Variants in GNA14 observed in about 807,000 individuals in gnomAD.
GNA14 encodes the protein G protein subunit alpha 14, also known as guanine nucleotide-binding protein subunit alpha-14.
GNA14 carries 50 observed loss-of-function variants against 42.0 expected under a neutral mutation model. The ratio of observed to expected loss-of-function variants is 1.19; its 90% CI spans 0.95 to 1.51. GNA14 has a LOEUF of 1.51. Among genes scored for constraint, GNA14 ranks in the 40% most tolerant of loss-of-function variants. The pLI is 0.00. For synonymous variants in GNA14, 173 were observed against 163.1 expected (o/e 1.06, Z -0.46); for missense variants, 473 against 446.2 (o/e 1.06, Z -0.54).
At chr9:77,599,134 G>C (rs1181831996) in intron 1 of GNA14, among the ~76,000 whole-genome samples, 2 of 152,200 alleles carry the variant, frequency 1.3e-5, no homozygotes, top group African/African-American at 4.8e-5. Context: ...AAATTTTTCA[G>C]AGTAATTGAT....
At chr9:77,442,809 A>G (rs1835754988) in intron 2 of GNA14, among the ~76,000 whole-genome samples, 1 of 152,198 alleles carries the variant, frequency 6.6e-6, no homozygotes, top group South Asian at 2.1e-4. Context: ...ACCCAAAATA[A>G]TCAAGCATAA....
chr9:77,508,037 G>A (rs1264612107), intron 2 of GNA14, among the ~76,000 whole-genome samples: 2 of 152,086 alleles, frequency 1.3e-5, no homozygotes, highest in Non-Finnish European at 2.9e-5. Flanking sequence ...TCTTATTAGT[G>A]GGTTTAGTCA....
At chr9:77,646,372 G>A (rs1350025169) in intron 1 of GNA14, among the ~76,000 whole-genome samples, 2 of 152,146 alleles carry the variant, frequency 1.3e-5, no homozygotes, top group South Asian at 2.1e-4. Flanking sequence ...GGAGGGGGCA[G>A]CATGGTCTCT....
chr9:77,469,928 A>T (rs1433292180), intron 2 of GNA14, among the ~76,000 whole-genome samples: 1 of 152,242 alleles, frequency 6.6e-6, no homozygotes. Context: ...ACACGTGCAT[A>T]CATAATTTTG....
chr9:77,555,880 G>GA (rs1370914190), intron 1 of GNA14, among the ~76,000 whole-genome samples: 8 of 152,142 alleles, frequency 5.3e-5, no homozygotes, highest in Admixed American at 4.6e-4. Context: ...AGTGCTGAGT[G>GA]AAAAAATAAA....
At chr9:77,595,642 T>C (rs932460875) in intron 1 of GNA14, among the ~76,000 whole-genome samples, 16 of 152,186 alleles carry the variant, frequency 1.1e-4, no homozygotes, top group Non-Finnish European at 2.9e-5. Context: ...TTATAAAACA[T>C]TGCGCTTCTC....
intron 1 of GNA14, among the ~76,000 whole-genome samples, chr9:77,632,876 G>A (rs1344290016): frequency 6.6e-6 from 1 of 152,166 alleles, no homozygotes; most frequent in Non-Finnish European, 1.5e-5. Context: ...GACTCAGGCT[G>A]GTAATGTGAG....
intron 1 of GNA14, among the ~76,000 whole-genome samples, chr9:77,592,580 A>G (rs571143447): frequency 6.6e-6 from 1 of 152,116 alleles, no homozygotes; most frequent in East Asian, 1.9e-4. Context: ...CCCAGTCACC[A>G]CCACTCCCTA....
In GNA14 at chr9:77,488,878, T is replaced by A. The variant is rs145224857; in HGVS notation, c.309+40191A>T. ...TTCAGTGCAAAGAAACAGACATACA[T>A]CACATGAAACAACAGCAAACAGGAA... On this transcript the variant is annotated intron_variant, in intron 2 of 6. Transcript: ENST00000341700. Among the ~76,000 whole-genome samples, 167 of 135,818 alleles carry A rather than the reference T, an allele frequency of 1.2e-3. 1 individual carries two copies. The South Asian group carries it at 0.014, about 11-fold the overall frequency. The allele number at this position is 135,818 out of a possible 152,430, so 89.1% of individuals were successfully genotyped here.
At chr9:77,605,882 T>C (rs1261859904) in intron 1 of GNA14, among the ~76,000 whole-genome samples, 1 of 152,190 alleles carries the variant, frequency 6.6e-6, no homozygotes, top group African/African-American at 2.4e-5. Context: ...AGTTCTAAGA[T>C]CCTATTATAA....
chr9:77,445,549 G>GAGGA (rs1835801035), intron 2 of GNA14, among the ~76,000 whole-genome samples: 1 of 44,464 alleles, frequency 2.2e-5, no homozygotes. Context: ...CTGTCTCTAA[G>GAGGA]AAGAAAAAAA....
intron 5 of GNA14, among the ~76,000 whole-genome samples, chr9:77,426,716 T>C (rs1351491315): frequency 1.3e-5 from 2 of 152,204 alleles, no homozygotes; most frequent in African/African-American, 4.8e-5. Flanking sequence ...CAAGAAGATA[T>C]TAAATGCTCC....
At chr9:77,530,931 A>G (rs1424322236) in intron 1 of GNA14, among the ~76,000 whole-genome samples, 1 of 152,250 alleles carries the variant, frequency 6.6e-6, no homozygotes, top group Admixed American at 6.5e-5. Flanking sequence ...GTGCAGATGC[A>G]GAATTGGGGC....
At chr9:77,480,403 A>C (rs1836522678) in intron 2 of GNA14, among the ~76,000 whole-genome samples, 1 of 152,178 alleles carries the variant, frequency 6.6e-6, no homozygotes, top group Admixed American at 6.5e-5. Flanking sequence ...GATGAAGCCC[A>C]CTTGATCATG....
At chr9:77,569,153 C>CTT (rs1230967905) in intron 1 of GNA14, among the ~76,000 whole-genome samples, 1 of 144,238 alleles carries the variant, frequency 6.9e-6, no homozygotes, top group African/African-American at 2.5e-5. Flanking sequence ...TCTCTTTTGC[C>CTT]TTTTTTTTTT....
intron 1 of GNA14, among the ~76,000 whole-genome samples, chr9:77,551,734 C>A (rs1837789233): frequency 6.6e-6 from 1 of 151,796 alleles, no homozygotes; most frequent in South Asian, 2.1e-4. Flanking sequence ...AGAGTTAGGG[C>A]CATGTTCTTT....
rs188952515 is a variant in GNA14 at position 77,646,184 on chromosome 9, G to A, written c.124+1486C>T. ...CTAGGGGGGCCTCTTGGGCACCCACGGGGACTCCCTCCACTCCTACCCAGC... is the reference window on the plus strand; with the variant it reads ...CTAGGGGGGCCTCTTGGGCACCCACAGGGACTCCCTCCACTCCTACCCAGC... On this transcript the variant is annotated intron_variant, in intron 1 of 6. Transcript: ENST00000341700. 1.1e-3 allele frequency among the ~76,000 whole-genome samples: 165 copies of A among 152,254 alleles called. 1 individual carries two copies. Among genetic ancestry groups the A allele is most frequent in the African/African-American group, 3.6e-3 (151 of 41,546 alleles).
At chr9:77,594,688 T>C (rs1147182) in intron 1 of GNA14, among the ~76,000 whole-genome samples, 128,203 of 152,182 alleles carry the variant, frequency 0.84, 54,125 homozygotes, top group East Asian at 0.96. Flanking sequence ...ACTTGAAGGA[T>C]TTATCAAGCA....
At chr9:77,589,388 TTTTC>T (rs774701265) in intron 1 of GNA14, among the ~76,000 whole-genome samples, 13 of 152,294 alleles carry the variant, frequency 8.5e-5, no homozygotes, top group Middle Eastern at 3.4e-3. Context: ...GTGAGCTCGG[TTTTC>T]TTTTTTTGTT....
Sources: gnomAD v4.1 joint callset for allele counts (sites outside exome capture counted in the v4.1 genomes callset) on GRCh38, gnomAD v4.1.1 for gene constraint, MANE v1.5 for transcripts, NCBI Gene and HGNC (gene_info 2026-07-23, HGNC 2026-07-21) for gene names.